Variants in GUCY1A2 observed in about 807,000 individuals in gnomAD.
GUCY1A2 encodes guanylate cyclase soluble subunit alpha-2.
Under a neutral mutation model 63.5 loss-of-function variants are expected in GUCY1A2, and 27 were observed. The ratio of observed to expected loss-of-function variants is 0.43; its 90% CI spans 0.31 to 0.59. The LOEUF (loss-of-function observed/expected upper bound fraction) is 0.59. Ranked by LOEUF, GUCY1A2 falls within the 20% of genes least tolerant of loss-of-function variation. The pLI is 0.11. For synonymous variants in GUCY1A2, 364 were observed against 343.5 expected, an observed-to-expected ratio of 1.06 and a Z score of -0.66; for missense variants, 768 against 913.3, an observed-to-expected ratio of 0.84 and a Z score of 2.05.
intron 4 of GUCY1A2, among the ~76,000 whole-genome samples, chr11:106,811,923 G>A (rs190764655): frequency 3.3e-5 from 5 of 151,846 alleles, no homozygotes; most frequent in East Asian, 1.9e-4. Context: ...AATCTATATC[G>A]GCCAGAGAAT....
At chr11:106,772,818 AATT>A (rs1359516470) in intron 6 of GUCY1A2, among the ~76,000 whole-genome samples, 1 of 152,200 alleles carries the variant, frequency 6.6e-6, no homozygotes, top group African/African-American at 2.4e-5. Context: ...TAGGCTTGAA[AATT>A]TAAGAACTGA....
chr11:106,962,399 A>C (rs1303952475), intron 3 of GUCY1A2, among the ~76,000 whole-genome samples: 4 of 151,960 alleles, frequency 2.6e-5, no homozygotes, highest in African/African-American at 9.7e-5. Flanking sequence ...AAAAAAAAAA[A>C]AAATACAAAT....
At position 106,939,780 on chromosome 11, in the gene GUCY1A2, A is replaced by G. The variant is rs141054889; in HGVS notation, c.886T>C (p.Cys296Arg). ...CSCLTFLIKE[C>R]ENTNIMKNLP... is the part of the protein sequence containing the mutation. ...TTCTTCATGATATTAGTATTTTCACATTCTTTGATAAGGAAAGTAAGACAG... is the reference window on the plus strand; with the variant it reads ...TTCTTCATGATATTAGTATTTTCACGTTCTTTGATAAGGAAAGTAAGACAG... Residue 296 changes from cysteine to arginine, a missense_variant, in exon 4 of 8, where the codon TGT (cysteine) becomes CGT (arginine). By Grantham distance (180) the Cys-to-Arg change is radical. Around this residue, in one of 3 missense-constraint regions of GUCY1A2, gnomAD observed 496 missense variants for 486.9 expected, o/e 1.02. Coordinates refer to ENST00000526355, the MANE Select transcript of GUCY1A2 (RefSeq NM_000855.3). 5 of 1,613,912 alleles carry G rather than the reference A, an allele frequency of 3.1e-6. No homozygotes were observed. The highest frequency in any genetic ancestry group is 4.2e-6 in the Non-Finnish European group (5 of 1,179,870).
chr11:107,005,996 C>A (rs991264797), intron 1 of GUCY1A2, among the ~76,000 whole-genome samples: 1 of 152,210 alleles, frequency 6.6e-6, no homozygotes, highest in African/African-American at 2.4e-5. Flanking sequence ...GCACCAAAAT[C>A]TATTGATCGT....
chr11:106,946,780 T>C (rs1860834980), intron 3 of GUCY1A2, among the ~76,000 whole-genome samples: 1 of 152,140 alleles, frequency 6.6e-6, no homozygotes, highest in African/African-American at 2.4e-5. Flanking sequence ...TGTTCTAAAA[T>C]TGATTGTAGT....
At chr11:106,807,678 C>A (rs1038431284) in intron 5 of GUCY1A2, among the ~76,000 whole-genome samples, 3 of 152,084 alleles carry the variant, frequency 2.0e-5, no homozygotes, top group Non-Finnish European at 4.4e-5. Context: ...AGGGTGTTGC[C>A]AAAGGAGATT....
intron 4 of GUCY1A2, among the ~76,000 whole-genome samples, chr11:106,873,375 C>T (rs1859706650): frequency 6.6e-6 from 1 of 152,164 alleles, no homozygotes; most frequent in East Asian, 1.9e-4. Context: ...AACCAATTTA[C>T]ATTCTCAATG....
intron 3 of GUCY1A2, among the ~76,000 whole-genome samples, chr11:106,964,198 T>G (rs1268270392): frequency 1.3e-5 from 2 of 152,234 alleles, no homozygotes; most frequent in Non-Finnish European, 2.9e-5. Flanking sequence ...ATTTTGCTCA[T>G]TGTCCCAATG....
intron 4 of GUCY1A2, among the ~76,000 whole-genome samples, chr11:106,845,573 T>C (rs543431655): frequency 1.5e-4 from 22 of 151,694 alleles, no homozygotes; most frequent in African/African-American, 5.3e-4. Flanking sequence ...GTGTTCCTGA[T>C]GCTCATTAGA....
chr11:106,794,408 G>C (rs912548216), intron 5 of GUCY1A2, among the ~76,000 whole-genome samples: 9 of 151,750 alleles, frequency 5.9e-5, no homozygotes, highest in Non-Finnish European at 8.8e-5. Context: ...CTACATTCTG[G>C]GGATCTACCA....
chr11:106,810,166 A>G lies in GUCY1A2; in HGVS notation c.1519T>C (p.Trp507Arg). The G allele has an allele frequency of 6.2e-7, 1 of 1,613,740 alleles. No individual in the cohort carries two copies. The highest frequency in any genetic ancestry group is 8.5e-7 in the Non-Finnish European group (1 of 1,179,694). ...IFPGDVAQQL[W>R]QGQQVQARKF... ...CTGGCCTGTACTTGCTGCCCTTGCC[A>G]TAATTGCTGGGCTACATCACCAGGG... Residue 507 changes from tryptophan to arginine, a missense_variant, in exon 5 of 8, where the codon TGG becomes CGG. By Grantham distance (101) the Trp-to-Arg change is moderately radical. Transcript: ENST00000526355.
intron 4 of GUCY1A2, among the ~76,000 whole-genome samples, chr11:106,901,038 T>C (rs1275356404): frequency 6.6e-6 from 1 of 152,224 alleles, no homozygotes; most frequent in African/African-American, 2.4e-5. Flanking sequence ...CATGCAATGA[T>C]ATTTGATAGC....
intron 6 of GUCY1A2, among the ~76,000 whole-genome samples, chr11:106,718,311 C>A (rs960966984): frequency 2.6e-5 from 4 of 152,030 alleles, no homozygotes; most frequent in African/African-American, 9.6e-5. Context: ...TAATATTTTA[C>A]AGTTGGGGAA....
intron 5 of GUCY1A2, among the ~76,000 whole-genome samples, chr11:106,781,112 CAAAAAAAAAA>C (rs565279937): frequency 1.1e-5 from 1 of 89,032 alleles, no homozygotes; most frequent in Non-Finnish European, 2.3e-5. Flanking sequence ...AAACAGACTA[CAAAAAAAAAA>C]AAAAAAAAAA....
intron 1 of GUCY1A2, among the ~76,000 whole-genome samples, chr11:106,991,260 T>C (rs1861467259): frequency 6.6e-6 from 1 of 152,010 alleles, no homozygotes; most frequent in African/African-American, 2.4e-5. Context: ...AGCTTCTCAA[T>C]GCGCTGGGAT....
At position 106,949,059 on chromosome 11, in the gene GUCY1A2, A is replaced by G. The variant is rs561019305; in HGVS notation, c.488-8881T>C. Among the ~76,000 whole-genome samples the G allele has an allele frequency of 3.8e-4, 58 of 152,346 alleles. 2 individuals carry two copies. In the South Asian group the frequency reaches 8.1e-3, roughly 21 times the overall value. ...TAAAACTGTCAAAATAATTTAGAAT[A>G]TGATTTTTTTATTTTAATAAAATTA... On this transcript the variant is annotated intron_variant, in intron 3 of 7. Transcript: ENST00000526355.
chr11:107,017,171 G>A (rs1282808171), intron 1 of GUCY1A2, among the ~76,000 whole-genome samples: 2 of 152,158 alleles, frequency 1.3e-5, no homozygotes, highest in Admixed American at 6.5e-5. Flanking sequence ...TTGAACAGAA[G>A]GCAACTCAGA....
chr11:106,984,851 C>A (rs1053125655), intron 2 of GUCY1A2, among the ~76,000 whole-genome samples: 1 of 152,054 alleles, frequency 6.6e-6, no homozygotes, highest in Admixed American at 6.6e-5. Flanking sequence ...TAGGATAAAC[C>A]ATTTTAAATC....
intron 7 of GUCY1A2, among the ~76,000 whole-genome samples, chr11:106,705,731 G>A (rs1486182240): frequency 2.0e-5 from 3 of 152,096 alleles, no homozygotes; most frequent in Admixed American, 2.0e-4. Flanking sequence ...GTGGTGGCAC[G>A]CACCTGTAGT....
Sources: allele counts gnomAD v4.1 joint callset (sites outside exome capture counted in the v4.1 genomes callset), GRCh38; gene constraint gnomAD v4.1.1; regional missense constraint gnomAD v4.1.1; transcripts MANE v1.5; gene names NCBI Gene and HGNC (gene_info 2026-07-23, HGNC 2026-07-21).